The following PCDHGA5 variants were observed in gnomAD, a reference collection of about 807,000 sequenced individuals.
PCDHGA5 encodes protocadherin gamma subfamily A, 5, also known as protocadherin gamma-A5.
A neutral mutation model predicts 56.7 loss-of-function variants in PCDHGA5; 36 were observed. The observed-to-expected ratio is 0.64, with a 90% CI of 0.49 to 0.84. The LOEUF is 0.84. Ranked by LOEUF, PCDHGA5 falls within the 40% of genes least tolerant of loss-of-function variation. The pLI, the probability that PCDHGA5 is intolerant of heterozygous loss-of-function variation, is 0.00. For synonymous variants in PCDHGA5, 563 were observed against 520.2 expected, an observed-to-expected ratio of 1.08 and a Z score of -1.12; for missense variants, 1,305 against 1,201.5, an observed-to-expected ratio of 1.09 and a Z score of -1.27.
intron 1 of PCDHGA5, among the ~76,000 whole-genome samples, chr5:141,481,749 C>T (rs958851030): frequency 6.6e-6 from 1 of 151,976 alleles, no homozygotes; most frequent in Non-Finnish European, 1.5e-5. Context: ...GTCAGGAGTC[C>T]AAGACCAGCC....
At chr5:141,449,328 C>G (rs1340432771) in intron 1 of PCDHGA5, among the ~76,000 whole-genome samples, 1 of 151,866 alleles carries the variant, frequency 6.6e-6, no homozygotes, top group African/African-American at 2.4e-5. Flanking sequence ...ATCTGTAGGC[C>G]AGGTGCAGTG....
chr5:141,397,995 C>T, intron 1 of PCDHGA5: 1 of 1,367,706 alleles, frequency 7.3e-7, no homozygotes, highest in Non-Finnish European at 9.8e-7. Flanking sequence ...CCGCTTCCTC[C>T]TCGGAAAAAG....
chr5:141,508,829 C>G (rs370074494), intron 3 of PCDHGA5, among the ~76,000 whole-genome samples: 10 of 152,240 alleles, frequency 6.6e-5, no homozygotes, highest in Middle Eastern at 3.4e-3. Context: ...TCTGGGCCCC[C>G]CTCCCCTACC....
In PCDHGA5 at chr5:141,487,930, G is replaced by T; in HGVS notation, c.2422-6877G>T. On this transcript the variant is annotated intron_variant, in intron 1 of 3. Coordinates refer to ENST00000518069, the MANE Select transcript of PCDHGA5 (RefSeq NM_018918.3). This position sits in a 1 kb window ranked among gnomAD's most constrained non-coding sequence, Gnocchi z 5.0. Reference sequence around the variant, plus strand: ...GAGCACAGGAGGCTACAGTGCACAGGGTACAGTGCACCAGGCAGTCACTTG... The same window carrying T: ...GAGCACAGGAGGCTACAGTGCACAGTGTACAGTGCACCAGGCAGTCACTTG... 2 of 613,220 alleles carry T rather than the reference G, an allele frequency of 3.3e-6. No homozygotes were observed. Among genetic ancestry groups the T allele is most frequent in the African/African-American group, 1.8e-5 (1 of 54,186 alleles). 38.0% of individuals were successfully genotyped at this position (613,220 alleles called of 1,614,324 possible).
At position 141,490,440 on chromosome 5, in the gene PCDHGA5, T is replaced by C. The variant is rs560525159; in HGVS notation, c.2422-4367T>C. On this transcript the variant is annotated intron_variant, in intron 1 of 3. Transcript: ENST00000518069. This position sits in a 1 kb window ranked among gnomAD's most constrained non-coding sequence, Gnocchi z 5.4. ...ACCTGCCATTTCAGATTAAGCCTTC[T>C]GAGAACCACTACTCGCTGCTAACCA... 7 of 1,614,206 alleles carry C rather than the reference T, an allele frequency of 4.3e-6. No homozygotes were observed. Among genetic ancestry groups the C allele is most frequent in the Non-Finnish European group, 5.9e-6 (7 of 1,180,040 alleles).
In PCDHGA5 at chr5:141,383,284, A is replaced by G. The variant is rs760384498; in HGVS notation, c.2421+16533A>G. ...CGTGGAAATAATAGATATTAATGAC[A>G]ACGTTCCAAGATTCTTGACGGAAGA... On this transcript the variant is annotated intron_variant, in intron 1 of 3. Transcript: ENST00000518069. 4 of 1,613,962 alleles carry G rather than the reference A, an allele frequency of 2.5e-6. No homozygotes were observed. In the East Asian group the frequency reaches 8.9e-5, roughly 36 times the overall value.
At chr5:141,374,599 C>T (rs948691402) in intron 1 of PCDHGA5, 10 of 1,613,528 alleles carry the variant, frequency 6.2e-6, no homozygotes, top group African/African-American at 1.3e-5. Context: ...GATTTAAGCT[C>T]AGTGGTAATA....
chr5:141,413,833 G>A (rs917295013), intron 1 of PCDHGA5: 1 of 1,613,276 alleles, frequency 6.2e-7, no homozygotes, highest in Non-Finnish European at 8.5e-7. Context: ...CACCGCCTCC[G>A]ACGGGGGTGA....
At chr5:141,467,699 T>A (rs1368755814) in intron 1 of PCDHGA5, among the ~76,000 whole-genome samples, 1 of 152,194 alleles carries the variant, frequency 6.6e-6, no homozygotes, top group Non-Finnish European at 1.5e-5. Context: ...TCTGGCTCTG[T>A]TGCCCAGGCT....
rs148798222 is a variant in PCDHGA5, at chr5:141,432,106, G to A, written c.2422-62701G>A. On this transcript the variant is annotated intron_variant, in intron 1 of 3. Coordinates refer to ENST00000518069, the MANE Select transcript of PCDHGA5 (RefSeq NM_018918.3). This position sits in a 1 kb window ranked among gnomAD's most constrained non-coding sequence, Gnocchi z 6.0. The stretch of plus-strand genomic sequence containing the variant: ...ACGTGGCAGACACCAACGACAACCC[G>A]CCGGTCTTCCCTCAGGCCTCCTATT... 4 of 1,614,068 alleles carry A rather than the reference G, an allele frequency of 2.5e-6. No homozygotes were observed. Among genetic ancestry groups the A allele is most frequent in the Non-Finnish European group, 3.4e-6 (4 of 1,180,020 alleles).
At chr5:141,413,118 G>A (rs999214227) in intron 1 of PCDHGA5, 4 of 1,517,034 alleles carry the variant, frequency 2.6e-6, no homozygotes, top group Admixed American at 4.3e-5. Flanking sequence ...CAAAGGAACC[G>A]GTTGAAACAC....
intron 1 of PCDHGA5, chr5:141,404,287 C>T: frequency 6.2e-7 from 1 of 1,613,976 alleles, no homozygotes; most frequent in Non-Finnish European, 8.5e-7. Context: ...TGACTGACAT[C>T]AATGATAATC....
At chr5:141,402,474 G>T (rs2094271773) in intron 1 of PCDHGA5, among the ~76,000 whole-genome samples, 1 of 152,122 alleles carries the variant, frequency 6.6e-6, no homozygotes, top group South Asian at 2.1e-4. Flanking sequence ...GAAATAGAGT[G>T]CAAAGTTCTA....
Position 141,374,129 on chromosome 5 carries a change from C to T in PCDHGA5, c.2421+7378C>T. 4 of 1,603,566 alleles carry T rather than the reference C, an allele frequency of 2.5e-6. No individual in the cohort carries two copies. In the South Asian group the frequency reaches 4.4e-5, roughly 18 times the overall value. On this transcript the variant is annotated intron_variant, in intron 1 of 3. Transcript: ENST00000518069. ...TCCGCAGCGCAGCGAGCAGGTCCTG[C>T]TCCTCACGCTCCTGGGGACGCTGTG... is the stretch of plus-strand genomic sequence containing the variant.
intron 1 of PCDHGA5, among the ~76,000 whole-genome samples, chr5:141,444,732 A>G (rs2098445644): frequency 6.6e-6 from 1 of 152,194 alleles, no homozygotes; most frequent in Admixed American, 6.6e-5. Context: ...CTTTGTTGAA[A>G]GTCATTTCAC....
chr5:141,393,555 C>G, intron 1 of PCDHGA5: 6 of 1,613,928 alleles, frequency 3.7e-6, no homozygotes, highest in Non-Finnish European at 5.1e-6. Flanking sequence ...CCCGATTTAC[C>G]GAGTGAAAGT....
rs1414210927 is a variant in PCDHGA5, at chr5:141,477,460, C to G, written c.2422-17347C>G. 1.9e-6 allele frequency: 3 copies of G among 1,614,014 alleles called. No homozygotes were observed. The highest frequency in any genetic ancestry group is 2.5e-6 in the Non-Finnish European group (3 of 1,180,028). On this transcript the variant is annotated intron_variant, in intron 1 of 3. Transcript: ENST00000518069. The surrounding 1 kb of genome is among the most constrained non-coding windows in gnomAD (Gnocchi z 4.9). ...TTACAATAGTGCGTGTTCAAGTGTC[C>G]GACATCAATGACAACCCTCCACAAT...
intron 1 of PCDHGA5, chr5:141,424,789 A>T (rs538504226): frequency 2.0e-5 from 3 of 152,238 alleles, no homozygotes; most frequent in African/African-American, 7.2e-5. Flanking sequence ...CAGTTCTTTT[A>T]TTCAGACCAA....
intron 1 of PCDHGA5, among the ~76,000 whole-genome samples, chr5:141,475,504 T>C (rs1202550150): frequency 1.3e-5 from 2 of 152,254 alleles, no homozygotes; most frequent in Non-Finnish European, 2.9e-5. Flanking sequence ...AAATTATTAA[T>C]GTCTCCACGG....
Sources: allele counts gnomAD v4.1 joint callset (sites outside exome capture counted in the v4.1 genomes callset), GRCh38; gene constraint gnomAD v4.1.1; non-coding constraint Gnocchi (gnomAD v3.1); transcripts MANE v1.5; gene names NCBI Gene and HGNC (gene_info 2026-07-23, HGNC 2026-07-21).